SLC17A6: variants seen among roughly 807,000 people sequenced by gnomAD.
SLC17A6 encodes solute carrier family 17 member 6.
Under a neutral mutation model 67.1 loss-of-function variants are expected in SLC17A6, and 35 were observed. The observed-to-expected ratio is 0.52, with a 90% confidence interval of 0.40 to 0.69. The LOEUF is 0.69. SLC17A6 is among the 30% of genes least tolerant of loss of function. The pLI, the probability that SLC17A6 is intolerant of heterozygous loss-of-function variation, is 0.00. For missense variants in SLC17A6, 588 were observed against 723.9 expected (o/e 0.81, Z 2.15); for synonymous variants, 285 against 252.3 (o/e 1.13, Z -1.23).
chr11:22,372,625 C>A (rs16909376), intron 8 of SLC17A6, among the ~76,000 whole-genome samples: 3 of 151,830 alleles, frequency 2.0e-5, no homozygotes, highest in African/African-American at 4.8e-5. Flanking sequence ...CTGAACAAGA[C>A]GTGGATCAGA....
chr11:22,349,527 C>T (rs544295549), intron 3 of SLC17A6, among the ~76,000 whole-genome samples: 1 of 152,316 alleles, frequency 6.6e-6, no homozygotes, highest in South Asian at 2.1e-4. Context: ...TTTCATTCTC[C>T]AATCCCTTAC....
intron 3 of SLC17A6, among the ~76,000 whole-genome samples, chr11:22,351,048 A>C (rs2133863830): frequency 6.6e-6 from 1 of 152,226 alleles, no homozygotes; most frequent in Admixed American, 6.5e-5. Context: ...TATTTCTAGA[A>C]AATGCTTTTT....
At chr11:22,357,997 A>T (rs1856009715) in intron 3 of SLC17A6, among the ~76,000 whole-genome samples, 1 of 152,202 alleles carries the variant, frequency 6.6e-6, no homozygotes, top group Non-Finnish European at 1.5e-5. Context: ...CAATAGAAAA[A>T]GTTTTAATTC....
At chr11:22,364,368 A>G (rs1856085115) in intron 6 of SLC17A6, among the ~76,000 whole-genome samples, 1 of 152,026 alleles carries the variant, frequency 6.6e-6, no homozygotes, top group African/African-American at 2.4e-5. Flanking sequence ...TTTATATATT[A>G]CCTCCTTTAA....
chr11:22,339,790 G>A (rs1274601644), intron 1 of SLC17A6, among the ~76,000 whole-genome samples: 2 of 152,024 alleles, frequency 1.3e-5, no homozygotes, highest in Non-Finnish European at 2.9e-5. Context: ...AGTAGATACC[G>A]CAAGGGCCCT....
chr11:22,340,275 G>A (rs1355632420), intron 1 of SLC17A6, among the ~76,000 whole-genome samples: 1 of 152,188 alleles, frequency 6.6e-6, no homozygotes, highest in Non-Finnish European at 1.5e-5. Flanking sequence ...AAGGCTCTTT[G>A]TTTAAATATC....
chr11:22,362,726 C>T lies in SLC17A6; in HGVS notation c.662-13C>T. 6.2e-7 allele frequency: 1 copy of T among 1,608,798 alleles called. No individual in the cohort carries two copies. The highest frequency in any genetic ancestry group is 1.3e-5 in the African/African-American group (1 of 74,924). Reference sequence around the variant, plus strand: ...TTTCACTCACCTTTCTCCCATTCTTCCTTACACTTTAGGTTCCTATGCCGG... The same window carrying T: ...TTTCACTCACCTTTCTCCCATTCTTTCTTACACTTTAGGTTCCTATGCCGG... On this transcript the variant is annotated splice_polypyrimidine_tract_variant and intron_variant, in intron 5 of 11. Coordinates refer to ENST00000263160, the MANE Select transcript of SLC17A6 (RefSeq NM_020346.3).
rs913333124 is a variant in SLC17A6, at chr11:22,338,384, C to G, written c.-150C>G. 7 of 595,536 alleles carry G rather than the reference C, an allele frequency of 1.2e-5. No individual in the cohort carries two copies. Among genetic ancestry groups the G allele is most frequent in the African/African-American group, 1.9e-5 (1 of 53,212 alleles). The allele number at this position is 595,536 out of a possible 1,614,324, so 36.9% of individuals were successfully genotyped here. A position where few individuals can be genotyped will look rare whatever the true frequency, so the allele number is the denominator to read the frequency against. ...CTCACTCTCCCTCCCTTCTCTCACT[C>G]TCACTCTTGCTGGAGGCGAGCCACT... On this transcript the variant is annotated 5_prime_UTR_variant, in exon 1 of 12. Transcript: ENST00000263160.
chr11:22,372,789 T>C (rs1856189239), intron 8 of SLC17A6, among the ~76,000 whole-genome samples: 1 of 152,110 alleles, frequency 6.6e-6, no homozygotes, highest in Non-Finnish European at 1.5e-5. Context: ...ATAAGCACAC[T>C]TGTATGTGAT....
At chr11:22,365,868 C>T (rs1055215231) in intron 7 of SLC17A6, among the ~76,000 whole-genome samples, 179 bp downstream of exon 7, 2 of 152,122 alleles carry the variant, frequency 1.3e-5, no homozygotes, top group African/African-American at 4.8e-5. Context: ...CTCCATCTGT[C>T]ATTTATTTTT....
chr11:22,379,130 T>C lies in SLC17A6; in HGVS notation c.*1390T>C, dbSNP rs1030850914. ...TGCTTGTAGTAGCTGTTTGGGTGGT[T>C]GGAATAATTTTATTTTTCTTTTAAA... is the stretch of plus-strand genomic sequence containing the variant. On this transcript the variant is annotated 3_prime_UTR_variant, in exon 12 of 12. Coordinates refer to ENST00000263160, the MANE Select transcript of SLC17A6 (RefSeq NM_020346.3). The C allele has an allele frequency of 6.6e-6, 1 of 152,530 alleles. No homozygotes were observed. Among genetic ancestry groups the C allele is most frequent in the African/African-American group, 2.4e-5 (1 of 41,440 alleles). The allele number at this position is 152,530 out of a possible 1,614,324, so 9.4% of individuals were successfully genotyped here.
chr11:22,377,955 C>T lies in SLC17A6; in HGVS notation c.*215C>T. On this transcript the variant is annotated 3_prime_UTR_variant, in exon 12 of 12. Transcript: ENST00000263160. Reference sequence around the variant, plus strand: ...TTTCCATTCAAGTCATCCATTCTTGCATTTGTGACTTAAAGGTTGACTGGT... The same window carrying T: ...TTTCCATTCAAGTCATCCATTCTTGTATTTGTGACTTAAAGGTTGACTGGT... 1 of 521,068 alleles carries T rather than the reference C, an allele frequency of 1.9e-6. No homozygotes were observed. The highest frequency in any genetic ancestry group is 3.3e-6 in the Non-Finnish European group (1 of 299,080). The allele number at this position is 521,068 out of a possible 1,614,324, so 32.3% of individuals were successfully genotyped here. A position where few individuals can be genotyped will look rare whatever the true frequency, so the allele number is the denominator to read the frequency against.
chr11:22,370,138 A>C lies in SLC17A6; in HGVS notation c.991A>C (p.Ile331Leu). 1.2e-6 allele frequency: 2 copies of C among 1,612,092 alleles called. No homozygotes were observed. Among genetic ancestry groups the C allele is most frequent in the Non-Finnish European group, 1.7e-6 (2 of 1,179,066 alleles). Residue 331 changes from isoleucine to leucine, a missense_variant, in exon 8 of 12, where the codon ATT becomes CTT. Ile to Leu is a conservative substitution (Grantham distance 5). Around this residue, in one of 4 missense-constraint regions of SLC17A6, gnomAD observed 414 missense variants for 563.4 expected, o/e 0.73. Transcript: ENST00000263160. Reference sequence around the variant, plus strand: ...AAGCTGGACTTTTTATTTATTGCTTATTAGTCAGCCAGCATATTTTGAGGA... The same window carrying C: ...AAGCTGGACTTTTTATTTATTGCTTCTTAGTCAGCCAGCATATTTTGAGGA... ...CRSWTFYLLL[I>L]SQPAYFEEVF... is the part of the protein sequence containing the mutation.
At chr11:22,358,060 C>A (rs1856010305) in intron 3 of SLC17A6, among the ~76,000 whole-genome samples, 1 of 152,128 alleles carries the variant, frequency 6.6e-6, no homozygotes. Context: ...TAATAATAAT[C>A]ATAGAGGGTC....
chr11:22,341,767 A>G lies in SLC17A6; in HGVS notation c.326A>G (p.Lys109Arg), dbSNP rs1244530613. ...AACAGCACCATCCACCGCGGGGGCA[A>G]GGTCATCAAGGAGGTGGGCAACGTC... The part of the protein sequence containing the change: ...VNNSTIHRGG[K>R]VIKEKAKFNW... Residue 109 changes from lysine (K) to arginine (R), a missense_variant, in exon 2 of 12, where the codon AAG becomes AGG. Lys to Arg is a conservative substitution (Grantham distance 26). Transcript: ENST00000263160. 6.2e-7 allele frequency: 1 copy of G among 1,613,854 alleles called. No individual in the cohort carries two copies. Among genetic ancestry groups the G allele is most frequent in the Non-Finnish European group, 8.5e-7 (1 of 1,179,902 alleles).
intron 1 of SLC17A6, among the ~76,000 whole-genome samples, chr11:22,339,104 T>TTATATATA (rs373471854): frequency 1.7e-5 from 1 of 58,578 alleles, no homozygotes; most frequent in Non-Finnish European, 3.6e-5. Flanking sequence ...TATATATATG[T>TTATATATA]TATATATATA....
intron 3 of SLC17A6, among the ~76,000 whole-genome samples, chr11:22,346,805 C>CATAT (rs953174326): frequency 3.4e-5 from 5 of 146,818 alleles, no homozygotes; most frequent in African/African-American, 1.2e-4. Context: ...GCATAAATAG[C>CATAT]ATATATATAT....
At chr11:22,355,613 C>T (rs369298287) in intron 3 of SLC17A6, among the ~76,000 whole-genome samples, 1 of 152,140 alleles carries the variant, frequency 6.6e-6, no homozygotes, top group Non-Finnish European at 1.5e-5. Flanking sequence ...ATGGATTTCA[C>T]CCTTCACCTT....
At chr11:22,353,645 C>T (rs1336911810) in intron 3 of SLC17A6, among the ~76,000 whole-genome samples, 1 of 152,196 alleles carries the variant, frequency 6.6e-6, no homozygotes, top group Non-Finnish European at 1.5e-5. Flanking sequence ...AAAAGCAGAA[C>T]AGAGAACTTC....
Sources: gnomAD v4.1 joint callset for allele counts (sites outside exome capture counted in the v4.1 genomes callset) on GRCh38, gnomAD v4.1.1 for gene constraint, gnomAD v4.1.1 regional missense constraint, MANE v1.5 for transcripts, NCBI Gene and HGNC (gene_info 2026-07-23, HGNC 2026-07-21) for gene names.